DOCK3: variants seen among roughly 807,000 people sequenced by gnomAD.
DOCK3 encodes dedicator of cytokinesis 3, also known as dedicator of cytokinesis protein 3.
In DOCK3, 60 loss-of-function variants were observed where a neutral mutation model predicts 265.6. The ratio of observed to expected loss-of-function variants is 0.23; its 90% confidence interval spans 0.18 to 0.28. The LOEUF (loss-of-function observed/expected upper bound fraction) is 0.28, where lower values mean the gene tolerates loss of function less well. DOCK3 is among the 10% of genes least tolerant of loss of function. The pLI, the probability that DOCK3 is intolerant of heterozygous loss-of-function variation, is 1.00. For synonymous variants in DOCK3, 881 were observed against 938.0 expected (o/e 0.94, Z 1.11); for missense variants, 1,981 against 2,594.3 (o/e 0.76, Z 5.14).
chr3:51,012,464 C>T (rs1210961716), intron 5 of DOCK3, among the ~76,000 whole-genome samples: 1 of 152,188 alleles, frequency 6.6e-6, no homozygotes, highest in Non-Finnish European at 1.5e-5. Context: ...AGGATATAAT[C>T]TCCTCGTGTC....
intron 1 of DOCK3, among the ~76,000 whole-genome samples, chr3:50,757,454 G>C (rs1454333388): frequency 6.6e-6 from 1 of 152,144 alleles, no homozygotes; most frequent in East Asian, 1.9e-4. Flanking sequence ...TTACAGGCGT[G>C]AGCCACTGCG....
At chr3:50,851,187 C>G (rs1227192914) in intron 3 of DOCK3, among the ~76,000 whole-genome samples, 1 of 152,156 alleles carries the variant, frequency 6.6e-6, no homozygotes, top group African/African-American at 2.4e-5. Flanking sequence ...ACTCCTAATC[C>G]AGGAGATTGA....
At chr3:50,682,322 G>T (rs1048828058) in intron 1 of DOCK3, among the ~76,000 whole-genome samples, 4 of 152,124 alleles carry the variant, frequency 2.6e-5, no homozygotes, top group Non-Finnish European at 4.4e-5. Context: ...AACTAGTGCC[G>T]CCATGTCCCA....
intron 5 of DOCK3, among the ~76,000 whole-genome samples, chr3:50,951,815 C>G (rs1471020179): frequency 6.6e-6 from 1 of 151,916 alleles, no homozygotes; most frequent in African/African-American, 2.4e-5. Context: ...TACATAAGAC[C>G]TCACTACTTT....
intron 10 of DOCK3, 141 bp downstream of exon 10, chr3:51,146,771 T>G (rs2085321053): frequency 2.9e-6 from 2 of 690,704 alleles, no homozygotes; most frequent in Non-Finnish European, 4.7e-6. Context: ...ATGTTTCTAT[T>G]AGGTTTTAAT....
chr3:50,788,164 G>A (rs952542210), intron 2 of DOCK3: 2 of 748,692 alleles, frequency 2.7e-6, no homozygotes, highest in African/African-American at 1.8e-5. Flanking sequence ...CAAGTTCCTT[G>A]TGGCACCATG....
rs202005379 is a variant in DOCK3 at position 51,305,733 on chromosome 3, C to CGTGTGTGTGTGT, written c.2923-4498_2923-4497insTGTGTGTGTGTG. 3.9e-3 allele frequency among the ~76,000 whole-genome samples: 535 copies of CGTGTGTGTGTGT among 135,608 alleles called. 14 individuals carry two copies. Among genetic ancestry groups the CGTGTGTGTGTGT allele is most frequent in the African/African-American group, 0.013 (466 of 35,880 alleles). 89.0% of individuals were successfully genotyped at this position (135,608 alleles called of 152,430 possible). ...GTGTGTGTCTGTGTGTGTGTGTGTG[C>CGTGTGTGTGTGT]GCGTGTGTGTGTGTGTGTGTGTGTG... On this transcript the variant is annotated intron_variant, in intron 27 of 52. Transcript: ENST00000266037.
chr3:50,714,314 T>C (rs1332863438), intron 1 of DOCK3, among the ~76,000 whole-genome samples: 1 of 152,214 alleles, frequency 6.6e-6, no homozygotes, highest in Admixed American at 6.5e-5. Flanking sequence ...TAAAATGACT[T>C]AAAAGCAACT....
intron 5 of DOCK3, among the ~76,000 whole-genome samples, chr3:50,943,650 A>G (rs2076355179): frequency 6.6e-6 from 1 of 152,192 alleles, no homozygotes; most frequent in African/African-American, 2.4e-5. Context: ...TTTTATTTAA[A>G]TAACGAACAC....
intron 2 of DOCK3, among the ~76,000 whole-genome samples, chr3:50,793,141 GGTATGT>G (rs1180532062): frequency 6.6e-6 from 1 of 151,976 alleles, no homozygotes; most frequent in East Asian, 1.9e-4. Flanking sequence ...CTTGGGAGGG[GGTATGT>G]GTCCAGGAAT....
chr3:50,791,287 G>A (rs1344539530), intron 2 of DOCK3, among the ~76,000 whole-genome samples: 2 of 136,444 alleles, frequency 1.5e-5, no homozygotes, highest in African/African-American at 2.7e-5. Context: ...TTTTTGAGAC[G>A]GAGTCTTGCT....
chr3:51,248,420 C>T (rs2108590183), intron 22 of DOCK3, among the ~76,000 whole-genome samples: 1 of 152,334 alleles, frequency 6.6e-6, no homozygotes, highest in African/African-American at 2.4e-5. Context: ...GTCTCCAGCT[C>T]CTAACCGCGA....
At chr3:51,371,669 C>G (rs1429653357) in intron 49 of DOCK3, among the ~76,000 whole-genome samples, 1 of 152,212 alleles carries the variant, frequency 6.6e-6, no homozygotes, top group Non-Finnish European at 1.5e-5. Context: ...TTGAGGGAAG[C>G]CTTTGCATTG....
chr3:50,863,615 C>T (rs761814823), intron 3 of DOCK3, among the ~76,000 whole-genome samples: 1 of 152,124 alleles, frequency 6.6e-6, no homozygotes, highest in African/African-American at 2.4e-5. Flanking sequence ...TACTTTTTCT[C>T]AGTTTTTCTT....
At chr3:50,970,948 A>ATAATG (rs1559878922) in intron 5 of DOCK3, among the ~76,000 whole-genome samples, 4 of 51,752 alleles carry the variant, frequency 7.7e-5, no homozygotes, top group East Asian at 9.5e-4. Context: ...TATATATATA[A>ATAATG]TGTGTGTGTG....
chr3:50,955,233 G>T (rs886458204), intron 5 of DOCK3, among the ~76,000 whole-genome samples: 1 of 152,192 alleles, frequency 6.6e-6, no homozygotes, highest in Non-Finnish European at 1.5e-5. Flanking sequence ...CACACTGTTG[G>T]TGGGAGTGTA....
intron 1 of DOCK3, among the ~76,000 whole-genome samples, chr3:50,772,145 C>T (rs2041315243): frequency 6.6e-6 from 1 of 152,190 alleles, no homozygotes. Flanking sequence ...TTTGCAACAA[C>T]ATGGGTGAAA....
chr3:51,263,692 C>T lies in DOCK3; in HGVS notation c.2355+3366C>T, dbSNP rs373675390. Among the ~76,000 whole-genome samples the T allele has an allele frequency of 1.1e-3, 170 of 152,304 alleles. 4 individuals carry two copies. In the South Asian group the frequency reaches 0.035, roughly 31 times the overall value. On this transcript the variant is annotated intron_variant, in intron 23 of 52. Coordinates refer to ENST00000266037, the MANE Select transcript of DOCK3 (RefSeq NM_004947.5). ...AGGAGACCCATCTCACATGCAAAGA[C>T]ACACATAGGCTCAAAATACAGGGAT...
intron 2 of DOCK3, chr3:50,788,169 A>T (rs1260884781): frequency 8.0e-6 from 6 of 746,964 alleles, no homozygotes; most frequent in African/African-American, 1.8e-5. Flanking sequence ...TCCTTGTGGC[A>T]CCATGATGAA....
Sources: allele counts gnomAD v4.1 joint callset (sites outside exome capture counted in the v4.1 genomes callset), GRCh38; gene constraint gnomAD v4.1.1; transcripts MANE v1.5; gene names NCBI Gene and HGNC (gene_info 2026-07-23, HGNC 2026-07-21).